Variants in TNNI3K observed in about 807,000 individuals in gnomAD.
TNNI3K encodes TNNI3 interacting kinase.
In TNNI3K, 140 loss-of-function variants were observed where a neutral mutation model predicts 114.5. The ratio of observed to expected loss-of-function variants is 1.22; its 90% CI spans 1.07 to 1.41. TNNI3K has a LOEUF of 1.41. TNNI3K is among the 40% of genes most tolerant of loss of function. The pLI, the probability that TNNI3K is intolerant of heterozygous loss-of-function variation, is 0.00. For missense variants in TNNI3K, 1,125 were observed against 1,007.6 expected (o/e 1.12, Z -1.58); for synonymous variants, 347 against 347.5 (o/e 1.00, Z 0.02).
chr1:74,516,916 A>C (rs1247178212), intron 23 of TNNI3K, among the ~76,000 whole-genome samples: 1 of 152,220 alleles, frequency 6.6e-6, no homozygotes, highest in African/African-American at 2.4e-5. Context: ...ACTACATGAT[A>C]GACAGTATTT....
At chr1:74,538,435 T>C (rs1646686494) in intron 23 of TNNI3K, among the ~76,000 whole-genome samples, 3 of 152,156 alleles carry the variant, frequency 2.0e-5, no homozygotes, top group Non-Finnish European at 2.9e-5. Context: ...TTCTCTTATG[T>C]ACCAGGCACT....
chr1:74,404,597 G>A (rs1401740965), intron 17 of TNNI3K, among the ~76,000 whole-genome samples: 1 of 152,164 alleles, frequency 6.6e-6, no homozygotes, highest in Non-Finnish European at 1.5e-5. Context: ...CGTATTAGTT[G>A]GGGCCAAAAT....
chr1:74,243,486 C>G (rs942335306), intron 2 of TNNI3K, among the ~76,000 whole-genome samples: 1 of 152,116 alleles, frequency 6.6e-6, no homozygotes, highest in African/African-American at 2.4e-5. Context: ...TAAGTTTTAA[C>G]CAATGAATTA....
At chr1:74,315,632 G>A (rs1357000360) in intron 5 of TNNI3K, among the ~76,000 whole-genome samples, 1 of 151,704 alleles carries the variant, frequency 6.6e-6, no homozygotes, top group East Asian at 1.9e-4. Flanking sequence ...AGGCAATTTT[G>A]CAGCTATGAT....
At chr1:74,279,505 A>T (rs906789529) in intron 5 of TNNI3K, among the ~76,000 whole-genome samples, 1 of 152,214 alleles carries the variant, frequency 6.6e-6, no homozygotes, top group Admixed American at 6.5e-5. Context: ...GATGATTCAT[A>T]TGCATATTCA....
chr1:74,506,231 T>C (rs1669893799), intron 23 of TNNI3K, among the ~76,000 whole-genome samples: 2 of 152,250 alleles, frequency 1.3e-5, no homozygotes, highest in South Asian at 4.1e-4. Context: ...ACACTTAGTA[T>C]GTTCTAGACG....
intron 17 of TNNI3K, among the ~76,000 whole-genome samples, chr1:74,385,966 TGG>T (rs1213689711): frequency 6.6e-6 from 1 of 152,238 alleles, no homozygotes; most frequent in Non-Finnish European, 1.5e-5. Flanking sequence ...CCATGTGTCG[TGG>T]GAGGGACCCA....
At chr1:74,415,381 C>T (rs1256655081) in intron 17 of TNNI3K, among the ~76,000 whole-genome samples, 1 of 151,978 alleles carries the variant, frequency 6.6e-6, no homozygotes, top group Non-Finnish European at 1.5e-5. Context: ...AGTTCATTGT[C>T]TTCTCATACT....
At chr1:74,526,889 G>A (rs898602475) in intron 23 of TNNI3K, among the ~76,000 whole-genome samples, 1 of 152,124 alleles carries the variant, frequency 6.6e-6, no homozygotes, top group Admixed American at 6.6e-5. Flanking sequence ...AAGTTTTATT[G>A]GAATACAGCC....
In TNNI3K at chr1:74,456,858, C is replaced by A. The variant is rs905581973; in HGVS notation, c.2012-6583C>A. 2.0e-5 allele frequency among the ~76,000 whole-genome samples: 3 copies of A among 151,950 alleles called. No homozygotes were observed. The East Asian group carries it at 5.8e-4, about 29-fold the overall frequency. ...AGTTGCAAACTGGAAGTCCAGGAAC[C>A]AAATATGGCTTGCAGACTTTTTTAT... On this transcript the variant is annotated intron_variant, in intron 20 of 24. Coordinates refer to ENST00000326637, the MANE Select transcript of TNNI3K (RefSeq NM_015978.3).
At chr1:74,446,581 T>C (rs1268109590) in intron 20 of TNNI3K, among the ~76,000 whole-genome samples, 1 of 149,872 alleles carries the variant, frequency 6.7e-6, no homozygotes, top group Non-Finnish European at 1.5e-5. Context: ...TTTGTTGCCA[T>C]TGCTTTTGGT....
Position 74,331,470 on chromosome 1 carries a change from A to G in TNNI3K, c.465A>G (p.Gln155=), listed in dbSNP as rs45532739. 2.1e-4 allele frequency: 331 copies of G among 1,613,606 alleles called. 2 individuals carry two copies. In the African/African-American group the frequency reaches 3.8e-3, roughly 19 times the overall value. Residue 155 remains glutamine (Q), a synonymous_variant, in exon 6 of 25, where the codon CAA becomes CAG. Coordinates refer to ENST00000326637, the MANE Select transcript of TNNI3K (RefSeq NM_015978.3). ...GHLEAADVLL[Q]HGANVNIQDA... ...TCCAGGCTGCTGATGTGCTGTTGCA[A>G]CATGGAGCTAATGTCAATATTCAAG...
intron 20 of TNNI3K, among the ~76,000 whole-genome samples, chr1:74,451,637 TC>T (rs1667001687): frequency 7.2e-5 from 10 of 138,898 alleles, no homozygotes; most frequent in African/African-American, 2.8e-4. Context: ...CTTTTCTTTT[TC>T]TTTCTTTCTT....
intron 23 of TNNI3K, among the ~76,000 whole-genome samples, chr1:74,532,993 A>G (rs936395578): frequency 1.3e-5 from 2 of 152,206 alleles, no homozygotes; most frequent in Non-Finnish European, 2.9e-5. Context: ...ACCATTCAGG[A>G]CATAGGCATG....
rs45440197 is a variant in TNNI3K at position 74,275,196 on chromosome 1, C to A, written c.444+3488C>A. ...CGAGACTGGGCAATTTACAAAAGAA[C>A]GAGATTTAACTGGACTTACAGTTCC... On this transcript the variant is annotated intron_variant, in intron 5 of 24. Transcript: ENST00000326637. Among the ~76,000 whole-genome samples, 392 of 151,990 alleles carry A rather than the reference C, an allele frequency of 2.6e-3. 2 individuals are homozygous for A. Among genetic ancestry groups the A allele is most frequent in the Middle Eastern group, 0.01 (3 of 294 alleles).
chr1:74,375,761 G>T, intron 17 of TNNI3K: 1 of 354,144 alleles, frequency 2.8e-6, no homozygotes, highest in Non-Finnish European at 5.8e-6. Flanking sequence ...CCATCCTCAA[G>T]TTTTTGAGAA....
At chr1:74,322,617 C>T (rs952223855) in intron 5 of TNNI3K, among the ~76,000 whole-genome samples, 6 of 152,042 alleles carry the variant, frequency 3.9e-5, no homozygotes, top group East Asian at 1.9e-4. Flanking sequence ...CACATCGCCA[C>T]GCCCAGCTAA....
chr1:74,397,174 G>C (rs758733459), intron 17 of TNNI3K, among the ~76,000 whole-genome samples: 3 of 149,222 alleles, frequency 2.0e-5, no homozygotes, highest in Non-Finnish European at 4.5e-5. Flanking sequence ...AAGAAACCGA[G>C]TATGAGGGAG....
intron 4 of TNNI3K, among the ~76,000 whole-genome samples, chr1:74,260,818 TA>T (rs1227931672): frequency 6.6e-6 from 1 of 152,104 alleles, no homozygotes. Context: ...AAACATCTTT[TA>T]TCACGTCCTC....
Sources: allele counts gnomAD v4.1 joint callset (sites outside exome capture counted in the v4.1 genomes callset), GRCh38; gene constraint gnomAD v4.1.1; transcripts MANE v1.5; gene names NCBI Gene and HGNC (gene_info 2026-07-23, HGNC 2026-07-21).